Variants in PMS2 observed in about 807,000 individuals in gnomAD.
PMS2 encodes the protein PMS1 homolog 2, mismatch repair system component.
PMS2 carries 69 observed loss-of-function variants against 90.0 expected under a neutral mutation model. The observed-to-expected ratio is 0.77, with a 90% CI of 0.63 to 0.94. PMS2 has a LOEUF of 0.94. PMS2 is among the 40% of genes least tolerant of loss of function. PMS2 has a pLI of 0.00. For synonymous variants in PMS2, 332 were observed against 375.1 expected, an observed-to-expected ratio of 0.89 and a Z score of 1.33; for missense variants, 966 against 1,040.2, an observed-to-expected ratio of 0.93 and a Z score of 0.98.
chr7:6,001,799 C>A (rs2128812389), intron 5 of PMS2, among the ~76,000 whole-genome samples: 1 of 151,902 alleles, frequency 6.6e-6, no homozygotes, highest in Non-Finnish European at 1.5e-5. Context: ...GCCTGGCCAG[C>A]CTGGACAACA....
At chr7:5,988,845 GTTTT>G (rs869187029) in intron 10 of PMS2, among the ~76,000 whole-genome samples, 3 of 150,296 alleles carry the variant, frequency 2.0e-5, no homozygotes, top group African/African-American at 7.3e-5. Flanking sequence ...ACCGTTTTGG[GTTTT>G]TTTTGTTTGT....
intron 9 of PMS2, among the ~76,000 whole-genome samples, chr7:5,991,655 C>T (rs147156104): frequency 1.5e-3 from 235 of 151,686 alleles, no homozygotes; most frequent in African/African-American, 5.2e-3. Context: ...CTGGCTAACA[C>T]GGTGAAACCC....
At chr7:5,997,772 A>G (rs993885129) in intron 6 of PMS2, among the ~76,000 whole-genome samples, 1 of 152,064 alleles carries the variant, frequency 6.6e-6, no homozygotes, top group African/African-American at 2.4e-5. Flanking sequence ...CTGGTCTTAA[A>G]TTCCTGGGCT....
At chr7:6,004,261 C>G in intron 2 of PMS2, 1 of 469,102 alleles carries the variant, frequency 2.1e-6, no homozygotes, top group South Asian at 3.1e-5. Context: ...TTAGCTTTTT[C>G]TTTCTTTCCT....
chr7:6,005,573 G>A lies in PMS2; in HGVS notation c.163+319C>T, dbSNP rs144716871. The stretch of plus-strand genomic sequence containing the variant: ...GTTGGTCTTGAACTCTTGGCCTCAA[G>A]CAATTCCCCCACCTCGGCCTCTCAA... On this transcript the variant is annotated intron_variant, in intron 2 of 14. Coordinates refer to ENST00000265849, the MANE Select transcript of PMS2 (RefSeq NM_000535.7). Among the ~76,000 whole-genome samples, 373 of 152,280 alleles carry A rather than the reference G, an allele frequency of 2.4e-3. 1 individual carries two copies. Among genetic ancestry groups the A allele is most frequent in the Non-Finnish European group, 4.1e-3 (282 of 68,026 alleles).
chr7:6,003,932 C>A (rs1785404837), intron 3 of PMS2, 40 bp downstream of exon 3: 2 of 1,385,780 alleles, frequency 1.4e-6, no homozygotes, highest in Non-Finnish European at 2.1e-6. Context: ...AGACATGTGA[C>A]CCAATTATTT....
At chr7:5,995,404 A>C in intron 8 of PMS2, 130 bp downstream of exon 8, 1 of 700,786 alleles carries the variant, frequency 1.4e-6, no homozygotes, top group Non-Finnish European at 2.6e-6. Context: ...AAATGCACAA[A>C]ATAAGATAAT....
intron 11 of PMS2, among the ~76,000 whole-genome samples, chr7:5,985,195 T>C (rs1254266260): frequency 4.6e-5 from 7 of 151,304 alleles, no homozygotes; most frequent in Non-Finnish European, 1.0e-4. Flanking sequence ...ACTCCTGGGC[T>C]CAAGTGAGCC....
At position 5,989,933 on chromosome 7, in the gene PMS2, A is replaced by G. The variant is rs1353232685; in HGVS notation, c.1011T>C (p.Thr337=). ...GTAGCAAAATTTGCCTTTTATCTGGAGTAACATTGATATCAACGCATTCTA... is the reference window on the plus strand; with the variant it reads ...GTAGCAAAATTTGCCTTTTATCTGGGGTAACATTGATATCAACGCATTCTA... The part of the protein sequence containing the change: ...VDSECVDINV[T]PDKRQILLQE... Residue 337 remains threonine (T), a synonymous_variant, in exon 10 of 15, where the codon ACT becomes ACC. Coordinates refer to ENST00000265849, the MANE Select transcript of PMS2 (RefSeq NM_000535.7). 8.1e-6 allele frequency: 13 copies of G among 1,609,168 alleles called. No individual in the cohort carries two copies. Among genetic ancestry groups the G allele is most frequent in the Non-Finnish European group, 1.1e-5 (13 of 1,176,392 alleles).
At chr7:5,984,435 G>A (rs1416712742) in intron 11 of PMS2, among the ~76,000 whole-genome samples, 3 of 151,726 alleles carry the variant, frequency 2.0e-5, no homozygotes, top group Admixed American at 2.0e-4. Context: ...GTATCAGCGC[G>A]GTGATGACAA....
At chr7:5,991,265 T>C (rs1783695488) in intron 9 of PMS2, among the ~76,000 whole-genome samples, 1 of 151,744 alleles carries the variant, frequency 6.6e-6, no homozygotes, top group African/African-American at 2.4e-5. Flanking sequence ...TCCCAAAGAA[T>C]ATGGGAGTAG....
chr7:5,984,477 T>C (rs1411880630), intron 11 of PMS2, among the ~76,000 whole-genome samples: 1 of 151,716 alleles, frequency 6.6e-6, no homozygotes, highest in Non-Finnish European at 1.5e-5. Context: ...CCATGGACGT[T>C]TTCTGGTTCT....
chr7:6,007,262 C>G (rs992940535), intron 1 of PMS2, among the ~76,000 whole-genome samples: 6 of 152,000 alleles, frequency 3.9e-5, no homozygotes, highest in African/African-American at 1.5e-4. Flanking sequence ...ATTACAGGCG[C>G]CCACCATCAC....
rs1253206443 is a variant in PMS2, at chr7:5,977,423, C to T, written c.2445+165G>A. Among the ~76,000 whole-genome samples the T allele has an allele frequency of 3.4e-5, 5 of 146,674 alleles. 1 individual carries two copies. The highest frequency in any genetic ancestry group is 9.8e-5 in the African/African-American group (4 of 40,794). On this transcript the variant is annotated intron_variant, in intron 14 of 14. Transcript: ENST00000265849. ...AGTTCAAGGTCACAGAGAACGCAGA[C>T]GACACAGATGCTCAGCTACGACGCT...
intron 1 of PMS2, among the ~76,000 whole-genome samples, chr7:6,007,600 CTTG>C (rs1356566341): frequency 2.6e-5 from 4 of 152,164 alleles, no homozygotes; most frequent in African/African-American, 9.7e-5. Flanking sequence ...TAATTGATAA[CTTG>C]TTAAGAGAAG....
intron 10 of PMS2, among the ~76,000 whole-genome samples, chr7:5,987,932 C>T (rs1192677479): frequency 6.6e-6 from 1 of 151,510 alleles, no homozygotes; most frequent in Non-Finnish European, 1.5e-5. Context: ...GCATATCTGT[C>T]ATCCCAGCTA....
intron 8 of PMS2, among the ~76,000 whole-genome samples, chr7:5,994,418 A>G (rs1223447559): frequency 6.6e-6 from 1 of 151,854 alleles, no homozygotes; most frequent in Non-Finnish European, 1.5e-5. Context: ...AAAAAACTGT[A>G]CACAGATAGA....
intron 11 of PMS2, among the ~76,000 whole-genome samples, chr7:5,986,488 T>A (rs1463971281): frequency 3.3e-5 from 5 of 152,010 alleles, no homozygotes; most frequent in Non-Finnish European, 4.4e-5. Flanking sequence ...AGTCAGGAGT[T>A]CGAGACCAGC....
intron 8 of PMS2, among the ~76,000 whole-genome samples, chr7:5,993,791 G>A (rs1407492262): frequency 6.7e-6 from 1 of 148,974 alleles, no homozygotes; most frequent in African/African-American, 2.5e-5. Flanking sequence ...AACCTGGGAG[G>A]CGGTGCTTGC....
Sources: allele counts gnomAD v4.1 joint callset (sites outside exome capture counted in the v4.1 genomes callset), GRCh38; gene constraint gnomAD v4.1.1; transcripts MANE v1.5; gene names NCBI Gene and HGNC (gene_info 2026-07-23, HGNC 2026-07-21).